CDK11A: variants seen among roughly 807,000 people sequenced by gnomAD.
CDK11A encodes the protein cyclin dependent kinase 11A.
Under a neutral mutation model 83.6 loss-of-function variants are expected in CDK11A, and 55 were observed. The ratio of observed to expected loss-of-function variants is 0.66; its 90% CI spans 0.53 to 0.82. CDK11A has a LOEUF of 0.82. CDK11A is among the 40% of genes least tolerant of loss of function. CDK11A has a pLI of 0.00. For missense variants in CDK11A, 564 were observed against 810.1 expected, an observed-to-expected ratio of 0.70 and a Z score of 3.69; for synonymous variants, 247 against 302.7, an observed-to-expected ratio of 0.82 and a Z score of 1.91.
chr1:1,711,974 T>TA (rs995182038), intron 6 of CDK11A, among the ~76,000 whole-genome samples: 1 of 103,148 alleles, frequency 9.7e-6, no homozygotes, highest in Non-Finnish European at 2.3e-5. Flanking sequence ...ACTAAAAATA[T>TA]AAAAAAATAG....
At chr1:1,718,935 C>A (rs913950583) in intron 4 of CDK11A, among the ~76,000 whole-genome samples, 2 of 149,454 alleles carry the variant, frequency 1.3e-5, no homozygotes, top group African/African-American at 4.9e-5. Context: ...CACGCCCGGC[C>A]TTCAGCTAGA....
chr1:1,719,601 C>G, intron 3 of CDK11A, 146 bp from the exon 4 acceptor site: 1 of 441,696 alleles, frequency 2.3e-6, no homozygotes, highest in South Asian at 5.5e-5. Context: ...CATTAATTCT[C>G]CAACTTCAGG....
chr1:1,707,004 A>G (rs1469848450), intron 11 of CDK11A, among the ~76,000 whole-genome samples: 1 of 142,984 alleles, frequency 7.0e-6, no homozygotes, highest in Admixed American at 6.8e-5. Flanking sequence ...TGACTCCCGT[A>G]GCCGCTCCCC....
Position 1,714,566 on chromosome 1 carries a change from CA to C in CDK11A, c.488+1779del, listed in dbSNP as rs1234879345. On this transcript the variant is annotated intron_variant, in intron 5 of 19. Transcript: ENST00000404249. The stretch of plus-strand genomic sequence containing the variant: ...CGTGAAATCCATCTCCCTCATAGCT[CA>C]TGGCCACCCCGTTCCTTCCCACATG... Among the ~76,000 whole-genome samples the C allele has an allele frequency of 4.4e-5, 2 of 44,962 alleles. 1 individual carries two copies. The highest frequency in any genetic ancestry group is 7.6e-5 in the African/African-American group (2 of 26,160). 29.5% of individuals were successfully genotyped at this position (44,962 alleles called of 152,430 possible).
At position 1,720,995 on chromosome 1, in the gene CDK11A, C is replaced by T. The variant is rs1182275538; in HGVS notation, c.227+601G>A. On this transcript the variant is annotated intron_variant, in intron 3 of 19. Coordinates refer to ENST00000404249, the MANE Select transcript of CDK11A (RefSeq NM_024011.4). ...CTGTAATCCCAGCATTTTGGGAGGC[C>T]GAGGTGGACGGATCACCAGGTCAGA... Among the ~76,000 whole-genome samples, 16 of 150,546 alleles carry T rather than the reference C, an allele frequency of 1.1e-4. 2 individuals carry two copies. Among genetic ancestry groups the T allele is most frequent in the Admixed American group, 3.3e-4 (5 of 15,012 alleles).
At chr1:1,721,787 T>C in intron 2 of CDK11A, 76 bp from the exon 3 acceptor site, 3 of 1,412,930 alleles carry the variant, frequency 2.1e-6, no homozygotes, top group Non-Finnish European at 2.9e-6. Context: ...TTTTTAATGA[T>C]AATCAAACCT....
chr1:1,708,833 T>TCTCCTC lies in CDK11A; in HGVS notation c.958_963dup (p.Glu320_Glu321dup). On this transcript the variant is annotated inframe_insertion, in exon 9 of 20. Coordinates refer to ENST00000404249, the MANE Select transcript of CDK11A (RefSeq NM_024011.4). ...GATGCCTCCTCAGAGTTGCTGCCGG[T>TCTCCTC]CTCCTCCTCCTCCTCTTCCTCTTCC... The TCTCCTC allele has an allele frequency of 2.0e-6, 3 of 1,474,866 alleles. No homozygotes were observed. The highest frequency in any genetic ancestry group is 1.8e-6 in the Non-Finnish European group (2 of 1,085,272). 91.4% of individuals were successfully genotyped at this position (1,474,866 alleles called of 1,614,324 possible).
At position 1,721,529 on chromosome 1, in the gene CDK11A, C is replaced by A. The variant is rs1644905879; in HGVS notation, c.227+67G>T. On this transcript the variant is annotated intron_variant, in intron 3 of 19. Transcript: ENST00000404249. ...AATAGCACACAGTTGTCACAGTGAC[C>A]CTAGGAAGGACTGGCCAGGCCAGGG... The A allele has an allele frequency of 3.3e-5, 51 of 1,539,688 alleles. 1 individual carries two copies. Among genetic ancestry groups the A allele is most frequent in the Non-Finnish European group, 4.5e-5 (50 of 1,122,210 alleles).
At chr1:1,716,531 A>C (rs1644655967) in intron 4 of CDK11A, 53 bp from the exon 5 acceptor site, 1 of 1,577,216 alleles carries the variant, frequency 6.3e-7, no homozygotes, top group Non-Finnish European at 8.7e-7. Flanking sequence ...AAATTTCACG[A>C]GGCCGGGCAC....
rs1434746347 is a variant in CDK11A, at chr1:1,714,026, C to T, written c.489-1626G>A. On this transcript the variant is annotated intron_variant, in intron 5 of 19. Coordinates refer to ENST00000404249, the MANE Select transcript of CDK11A (RefSeq NM_024011.4). ...TTGTTTCTAAGAAGTCAGTGGCTGGCGGTATTGAAGCTCCCCTTTCATGGG... is the reference window on the plus strand; with the variant it reads ...TTGTTTCTAAGAAGTCAGTGGCTGGTGGTATTGAAGCTCCCCTTTCATGGG... 7.2e-5 allele frequency among the ~76,000 whole-genome samples: 3 copies of T among 41,700 alleles called. 1 individual carries two copies. Among genetic ancestry groups the T allele is most frequent in the East Asian group, 5.4e-4 (1 of 1,864 alleles). 27.4% of individuals were successfully genotyped at this position (41,700 alleles called of 152,430 possible). A position where few individuals can be genotyped will look rare whatever the true frequency, so the allele number is the denominator to read the frequency against.
rs144843415 is a variant in CDK11A, at chr1:1,716,086, G to T, written c.488+260C>A. ...AATTCTAGCGTGAGCCACTGCGCCC[G>T]GCGGGACGTGCAGATTTCTGATCCC... On this transcript the variant is annotated intron_variant, in intron 5 of 19. Coordinates refer to ENST00000404249, the MANE Select transcript of CDK11A (RefSeq NM_024011.4). Among the ~76,000 whole-genome samples the T allele has an allele frequency of 1.0e-3, 157 of 150,680 alleles. 3 individuals carry two copies. The highest frequency in any genetic ancestry group is 3.7e-3 in the African/African-American group (150 of 41,086).
Position 1,702,650 on chromosome 1 carries a change from G to C in CDK11A, c.*257C>G. 2 of 565,502 alleles carry C rather than the reference G, an allele frequency of 3.5e-6. No individual in the cohort carries two copies. The highest frequency in any genetic ancestry group is 4.1e-5 in the South Asian group (2 of 49,164). The allele number at this position is 565,502 out of a possible 1,614,324, so 35.0% of individuals were successfully genotyped here. ...GCCAGCCCCGTGCGTGTCGAGAGTG[G>C]GAGAGGGTGTGTGGAGGTTTGTGCT... On this transcript the variant is annotated 3_prime_UTR_variant, in exon 20 of 20. Coordinates refer to ENST00000404249, the MANE Select transcript of CDK11A (RefSeq NM_024011.4).
Position 1,704,619 on chromosome 1 carries a change from T to C in CDK11A, c.1495A>G (p.Ile499Val). ...TCGTGCTCCACGTAGTTCATCACGATGTAGATCTTGTCCATGTTGCTGCCC... is the reference window on the plus strand; with the variant it reads ...TCGTGCTCCACGTAGTTCATCACGACGTAGATCTTGTCCATGTTGCTGCCC... ...VVGSNMDKIY[I>V]VMNYVEHDLK... is the part of the protein sequence containing the mutation. Residue 499 changes from isoleucine (I) to valine (V), a missense_variant, in exon 14 of 20, where the codon ATC (isoleucine) becomes GTC (valine). Ile to Val is a conservative substitution (Grantham distance 29). This residue lies in a region of CDK11A where 361 missense variants were observed against 402.7 expected (regional missense o/e 0.90). Transcript: ENST00000404249. 1.3e-6 allele frequency: 2 copies of C among 1,599,918 alleles called. No individual in the cohort carries two copies. Among genetic ancestry groups the C allele is most frequent in the South Asian group, 1.1e-5 (1 of 89,258 alleles).
chr1:1,716,074 G>A (rs1235892575), intron 5 of CDK11A, among the ~76,000 whole-genome samples: 1 of 150,776 alleles, frequency 6.6e-6, no homozygotes, highest in Non-Finnish European at 1.5e-5. Flanking sequence ...TCTAGCGTGA[G>A]CCACTGCGCC....
chr1:1,719,541 A>T (rs1644819846), intron 3 of CDK11A, 86 bp from the exon 4 acceptor site: 1 of 1,122,954 alleles, frequency 8.9e-7, no homozygotes. Context: ...CAACCCAGAA[A>T]AATGCATGAT....
At position 1,721,617 on chromosome 1, in the gene CDK11A, C is replaced by T. The variant is rs1644909716; in HGVS notation, c.206G>A (p.Arg69Lys). Residue 69 changes from arginine (R) to lysine (K), a missense_variant, in exon 3 of 20, where the codon AGA (arginine) becomes AAA (lysine). Transcript: ENST00000404249. ...EITIRNSPYRREDSMEDRGEE... is the reference protein window; with the variant it reads ...EITIRNSPYRKEDSMEDRGEE... ...TCACCTGTCTTCCATTGAGTCTTCT[C>T]TTCTATACGGGGAGTTCCTTATTGT... 6.2e-7 allele frequency: 1 copy of T among 1,607,450 alleles called. No individual in the cohort carries two copies.
At position 1,716,395 on chromosome 1, in the gene CDK11A, C is replaced by A. The variant is rs1644646834; in HGVS notation, c.439G>T (p.Glu147Ter). 6.2e-7 allele frequency: 1 copy of A among 1,609,142 alleles called. No homozygotes were observed. The highest frequency in any genetic ancestry group is 8.5e-7 in the Non-Finnish European group (1 of 1,176,620). The change falls in exon 5 of 20, where the codon GAA (glutamate) becomes TAA (stop). Residue 147 changes from glutamate to a stop codon, truncating the protein, a stop_gained. Coordinates refer to ENST00000404249, the MANE Select transcript of CDK11A (RefSeq NM_024011.4). LOFTEE classifies it high-confidence loss of function. ...GCCATTTCCCTTCTCTTCTGTCTTT[C>A]CCATTCCCGGCGAGCTTTATCCTGT... ...EEQDKARREW[E>*]RQKRREMARE... is the part of the protein sequence containing the mutation.
intron 13 of CDK11A, 54 bp downstream of exon 13, chr1:1,704,850 G>C (rs189888604): frequency 6.2e-7 from 1 of 1,606,894 alleles, no homozygotes; most frequent in Non-Finnish European, 8.5e-7. Flanking sequence ...ACAGCACGGG[G>C]CCCTGTCGGA....
At chr1:1,719,017 T>C (rs550585430) in intron 4 of CDK11A, 3 of 185,430 alleles carry the variant, frequency 1.6e-5, no homozygotes, top group East Asian at 1.6e-4. Context: ...GCTCTCTCTA[T>C]AGCCCTTCTG....
Sources: gnomAD v4.1 joint callset for allele counts (sites outside exome capture counted in the v4.1 genomes callset) on GRCh38, gnomAD v4.1.1 for gene constraint, gnomAD v4.1.1 regional missense constraint, MANE v1.5 for transcripts, NCBI Gene and HGNC (gene_info 2026-07-23, HGNC 2026-07-21) for gene names.